The following NCKAP5 variants were observed in gnomAD, a reference collection of about 807,000 sequenced individuals.
The protein encoded by NCKAP5 is nck-associated protein 5.
NCKAP5 carries 92 observed loss-of-function variants against 167.0 expected under a neutral mutation model. That is an observed-to-expected ratio of 0.55 (90% CI 0.47 to 0.66). NCKAP5 has a LOEUF of 0.66. Ranked by LOEUF, NCKAP5 falls within the 30% of genes least tolerant of loss-of-function variation. The pLI is 0.00. For missense variants in NCKAP5, 2,378 were observed against 2,315.0 expected (o/e 1.03, Z -0.56); for synonymous variants, 891 against 877.4 (o/e 1.02, Z -0.27).
intron 3 of NCKAP5, among the ~76,000 whole-genome samples, chr2:133,380,708 C>T (rs1686460773): frequency 6.6e-6 from 1 of 152,136 alleles, no homozygotes; most frequent in Non-Finnish European, 1.5e-5. Context: ...GTCAGGATCT[C>T]AGGCCCAATC....
At chr2:133,275,509 A>G (rs1389227717) in intron 4 of NCKAP5, among the ~76,000 whole-genome samples, 1 of 152,092 alleles carries the variant, frequency 6.6e-6, no homozygotes, top group Non-Finnish European at 1.5e-5. Context: ...GTTGATAACA[A>G]TGCAATAAAA....
chr2:133,464,503 C>A (rs1430418176), intron 3 of NCKAP5, among the ~76,000 whole-genome samples: 1 of 152,122 alleles, frequency 6.6e-6, no homozygotes, highest in Admixed American at 6.5e-5. Context: ...TCCCGGCTAA[C>A]ACGGTGAAAC....
At chr2:133,274,686 T>G (rs2089655245) in intron 4 of NCKAP5, among the ~76,000 whole-genome samples, 2 of 151,960 alleles carry the variant, frequency 1.3e-5, no homozygotes, top group African/African-American at 2.4e-5. Flanking sequence ...GACTCACATT[T>G]ATGGACTCAG....
intron 6 of NCKAP5, among the ~76,000 whole-genome samples, chr2:133,016,825 A>C (rs1458567648): frequency 1.3e-5 from 2 of 152,268 alleles, no homozygotes; most frequent in Non-Finnish European, 2.9e-5. Context: ...CACTAAAAAA[A>C]AAATGTATTT....
At chr2:132,812,933 G>A (rs952059386) in intron 11 of NCKAP5, among the ~76,000 whole-genome samples, 3 of 152,150 alleles carry the variant, frequency 2.0e-5, no homozygotes, top group Non-Finnish European at 2.9e-5. Flanking sequence ...TAAGGGCACT[G>A]TCCCATTCAT....
chr2:133,140,857 T>C (rs2149836925), intron 5 of NCKAP5, among the ~76,000 whole-genome samples: 1 of 151,212 alleles, frequency 6.6e-6, no homozygotes, highest in African/African-American at 2.4e-5. Context: ...TTCAGTTTAA[T>C]GTATATTATA....
In NCKAP5 at chr2:133,328,508, GACTTGTGGTGCC is replaced by G. The variant is rs1682610004; in HGVS notation, c.70-25410_70-25399del. Among the ~76,000 whole-genome samples the G allele has an allele frequency of 2.0e-5, 3 of 152,348 alleles. No homozygotes were observed. In the South Asian group the frequency reaches 6.2e-4, roughly 32 times the overall value. ...AGGCTGGAAGTAACTAACAATTTCT[GACTTGTGGTGCC>G]ACCAGGTAGAGCTCCTGGAGTCTCC... On this transcript the variant is annotated intron_variant, in intron 3 of 19. Transcript: ENST00000409261.
At chr2:133,049,905 G>C (rs2079545031) in intron 6 of NCKAP5, among the ~76,000 whole-genome samples, 3 of 152,174 alleles carry the variant, frequency 2.0e-5, no homozygotes, top group Admixed American at 6.5e-5. Flanking sequence ...GTATGAACCT[G>C]GTTCCAAGAA....
intron 7 of NCKAP5, among the ~76,000 whole-genome samples, chr2:132,991,970 G>C (rs1041978079): frequency 7.9e-5 from 12 of 152,186 alleles, no homozygotes; most frequent in Admixed American, 2.6e-4. Flanking sequence ...GGATCTCCCT[G>C]GGACTTGGCG....
intron 11 of NCKAP5, among the ~76,000 whole-genome samples, chr2:132,814,440 A>G (rs1686109586): frequency 6.6e-6 from 1 of 152,256 alleles, no homozygotes; most frequent in Admixed American, 6.5e-5. Flanking sequence ...TAAAACAGAC[A>G]TTAAAGGATT....
intron 12 of NCKAP5, among the ~76,000 whole-genome samples, chr2:132,794,263 T>TATAGAG (rs762281677): frequency 2.5e-4 from 3 of 11,916 alleles, no homozygotes; most frequent in Non-Finnish European, 3.5e-4. Flanking sequence ...TATATATATA[T>TATAGAG]AGAGAGAGAG....
At chr2:133,348,506 C>A (rs985483477) in intron 3 of NCKAP5, among the ~76,000 whole-genome samples, 1 of 151,634 alleles carries the variant, frequency 6.6e-6, no homozygotes, top group Non-Finnish European at 1.5e-5. Flanking sequence ...AATAAAGTTA[C>A]AGCCCTACTA....
At position 132,672,379 on chromosome 2, in the gene NCKAP5, C is replaced by T. The variant is rs1683854869; in HGVS notation, c.*910G>A. On this transcript the variant is annotated 3_prime_UTR_variant, in exon 20 of 20. Coordinates refer to ENST00000409261, the MANE Select transcript of NCKAP5 (RefSeq NM_207363.3). Reference sequence around the variant, plus strand: ...CAATGTCACACTCCCAATCAGTGTCCACACTTCAGGACCCTTTTCATTTTT... The same window carrying T: ...CAATGTCACACTCCCAATCAGTGTCTACACTTCAGGACCCTTTTCATTTTT... 6.6e-6 allele frequency: 1 copy of T among 152,184 alleles called. No homozygotes were observed. The highest frequency in any genetic ancestry group is 6.5e-5 in the Admixed American group (1 of 15,284). The allele number at this position is 152,184 out of a possible 1,614,324, so 9.4% of individuals were successfully genotyped here. A position where few individuals can be genotyped will look rare whatever the true frequency, so the allele number is the denominator to read the frequency against.
the NCKAP5 span, among the ~76,000 whole-genome samples, chr2:133,651,711 A>C: frequency 6.6e-6 from 1 of 152,232 alleles, no homozygotes; most frequent in Non-Finnish European, 1.5e-5. Context: ...TAGCAGTCTC[A>C]TGTGTATTAC....
At chr2:133,198,398 T>G (rs2150110406) in intron 5 of NCKAP5, among the ~76,000 whole-genome samples, 1 of 152,132 alleles carries the variant, frequency 6.6e-6, no homozygotes, top group Non-Finnish European at 1.5e-5. Flanking sequence ...TATTGAAAAT[T>G]GCCAGAGAAA....
At chr2:133,345,046 G>A (rs1177884905) in intron 3 of NCKAP5, among the ~76,000 whole-genome samples, 1 of 152,136 alleles carries the variant, frequency 6.6e-6, no homozygotes, top group African/African-American at 2.4e-5. Flanking sequence ...CAGAGATTCA[G>A]CCTTTAAGGG....
chr2:133,186,602 ATT>A (rs1002545662), intron 5 of NCKAP5, among the ~76,000 whole-genome samples: 2 of 151,812 alleles, frequency 1.3e-5, no homozygotes, highest in Non-Finnish European at 2.9e-5. Context: ...GAGTTGGTAG[ATT>A]TTTTACCACT....
the NCKAP5 span, among the ~76,000 whole-genome samples, chr2:133,590,673 TC>T: frequency 1.3e-5 from 2 of 152,130 alleles, no homozygotes; most frequent in African/African-American, 4.8e-5. Flanking sequence ...GGGTGAATTC[TC>T]AGTTCGTTGA....
chr2:132,768,278 C>T (rs1432410646), intron 16 of NCKAP5, among the ~76,000 whole-genome samples: 1 of 152,182 alleles, frequency 6.6e-6, no homozygotes, highest in African/African-American at 2.4e-5. Flanking sequence ...ATTTTCTCCT[C>T]TTTATAAGAT....
Sources: gnomAD v4.1 joint callset for allele counts (sites outside exome capture counted in the v4.1 genomes callset) on GRCh38, gnomAD v4.1.1 for gene constraint, MANE v1.5 for transcripts, NCBI Gene and HGNC (gene_info 2026-07-23, HGNC 2026-07-21) for gene names.